The following ITSN1 variants were observed in gnomAD, a reference collection of about 807,000 sequenced individuals.
ITSN1 encodes intersectin-1.
ITSN1 carries 58 observed loss-of-function variants against 239.8 expected under a neutral mutation model. The ratio of observed to expected loss-of-function variants is 0.24; its 90% CI spans 0.20 to 0.30. The LOEUF (loss-of-function observed/expected upper bound fraction) is 0.30, where lower values mean the gene tolerates loss of function less well. ITSN1 is among the 10% of genes least tolerant of loss of function. The pLI is 1.00. For synonymous variants in ITSN1, 780 were observed against 770.8 expected (o/e 1.01, Z -0.20); for missense variants, 1,558 against 2,103.3 (o/e 0.74, Z 5.07).
At chr21:33,812,269 A>G (rs1186773334) in intron 21 of ITSN1, among the ~76,000 whole-genome samples, 5 of 152,198 alleles carry the variant, frequency 3.3e-5, no homozygotes, top group Admixed American at 2.0e-4. Context: ...GAAGACTAAT[A>G]CCATATTTTC....
At chr21:33,757,113 G>T (rs951883571) in intron 8 of ITSN1, 1 of 152,128 alleles carries the variant, frequency 6.6e-6, no homozygotes, top group African/African-American at 2.4e-5. Flanking sequence ...GTTTTACATG[G>T]TTTGTTTGAC....
chr21:33,789,591 T>A (rs2070946920), intron 16 of ITSN1, among the ~76,000 whole-genome samples: 1 of 152,228 alleles, frequency 6.6e-6, no homozygotes, highest in African/African-American at 2.4e-5. Context: ...GTTGCTATTT[T>A]TTTCTCTTCA....
At chr21:33,738,673 T>TA (rs1185995951) in intron 5 of ITSN1, among the ~76,000 whole-genome samples, 1 of 152,160 alleles carries the variant, frequency 6.6e-6, no homozygotes, top group Non-Finnish European at 1.5e-5. Flanking sequence ...CTCCTGGCAT[T>TA]ACAGGCATGA....
intron 11 of ITSN1, among the ~76,000 whole-genome samples, chr21:33,771,591 G>T (rs2069165481): frequency 6.6e-6 from 1 of 152,182 alleles, no homozygotes; most frequent in Non-Finnish European, 1.5e-5. Context: ...ATCTCCATAG[G>T]GATCAGGGCA....
At chr21:33,708,395 T>G (rs557440929) in intron 1 of ITSN1, among the ~76,000 whole-genome samples, 24 of 152,266 alleles carry the variant, frequency 1.6e-4, no homozygotes, top group South Asian at 1.2e-3. Context: ...TTTTCTTTTT[T>G]GTTTTTTTTT....
chr21:33,817,127 T>C, intron 22 of ITSN1: 1 of 1,184,334 alleles, frequency 8.4e-7, no homozygotes, highest in Non-Finnish European at 1.1e-6. Context: ...TTCATATATA[T>C]GATTGAAAGT....
intron 1 of ITSN1, among the ~76,000 whole-genome samples, chr21:33,708,900 G>C (rs1162704533): frequency 6.6e-6 from 1 of 152,092 alleles, no homozygotes; most frequent in Non-Finnish European, 1.5e-5. Context: ...GATCCACTTT[G>C]TTTGTTGAAA....
intron 1 of ITSN1, among the ~76,000 whole-genome samples, chr21:33,651,913 T>C: frequency 6.6e-6 from 1 of 152,360 alleles, no homozygotes; most frequent in Middle Eastern, 3.4e-3. Context: ...GTTGTTTTGA[T>C]CTTGGTAGAT....
intron 4 of ITSN1, among the ~76,000 whole-genome samples, chr21:33,723,806 G>C (rs1469145438): frequency 1.3e-5 from 2 of 152,128 alleles, no homozygotes; most frequent in African/African-American, 4.8e-5. Context: ...ACTTATTGTG[G>C]CTCCTGTCAC....
At chr21:33,761,796 A>G in intron 8 of ITSN1, 127 bp from the exon 9 acceptor site, 1 of 677,140 alleles carries the variant, frequency 1.5e-6, no homozygotes. Context: ...CGGTAGTAGC[A>G]AATGTTATTT....
chr21:33,887,661 A>C (rs992465192), intron 39 of ITSN1, among the ~76,000 whole-genome samples: 7 of 151,894 alleles, frequency 4.6e-5, no homozygotes, highest in African/African-American at 1.7e-4. Context: ...GCTGGAGCAC[A>C]GTGGTGCAAT....
chr21:33,675,888 G>A (rs189727146), intron 1 of ITSN1, among the ~76,000 whole-genome samples: 243 of 152,186 alleles, frequency 1.6e-3, no homozygotes, highest in Admixed American at 2.5e-3. Context: ...CATACTTAGG[G>A]ACATTAATTC....
intron 34 of ITSN1, 114 bp downstream of exon 34, chr21:33,875,635 A>C: frequency 1.1e-6 from 1 of 904,906 alleles, no homozygotes; most frequent in Non-Finnish European, 1.7e-6. Context: ...TAGCATCCTC[A>C]TTTCCATCCA....
chr21:33,695,792 G>A (rs1017413390), intron 1 of ITSN1, among the ~76,000 whole-genome samples: 1 of 152,130 alleles, frequency 6.6e-6, no homozygotes, highest in Non-Finnish European at 1.5e-5. Context: ...TACTTTAATG[G>A]TGCAGCCAGA....
At chr21:33,817,454 C>T in intron 22 of ITSN1, 1 of 1,304,420 alleles carries the variant, frequency 7.7e-7, no homozygotes, top group Non-Finnish European at 1.0e-6. Flanking sequence ...CTGATGCCCC[C>T]AGGCAGAATT....
chr21:33,683,785 T>G (rs1437438110), intron 1 of ITSN1, among the ~76,000 whole-genome samples: 1 of 152,230 alleles, frequency 6.6e-6, no homozygotes, highest in Middle Eastern at 3.2e-3. Context: ...TAAATGTAGA[T>G]TTAGGGAACT....
intron 1 of ITSN1, among the ~76,000 whole-genome samples, chr21:33,664,295 T>C (rs988871124): frequency 2.6e-5 from 4 of 152,072 alleles, no homozygotes; most frequent in Admixed American, 6.5e-5. Context: ...ACATTGTTGG[T>C]GTGAATGTAG....
chr21:33,784,997 T>C (rs1256642336), intron 16 of ITSN1, among the ~76,000 whole-genome samples: 1 of 152,168 alleles, frequency 6.6e-6, no homozygotes, highest in East Asian at 1.9e-4. Context: ...TAGTGTGAAT[T>C]TGTTGTATCC....
intron 33 of ITSN1, among the ~76,000 whole-genome samples, chr21:33,873,865 A>C (rs1983178714): frequency 6.7e-6 from 1 of 148,278 alleles, no homozygotes; most frequent in South Asian, 2.1e-4. Context: ...GAACGAGACA[A>C]AAAGAACATT....
Sources: allele counts gnomAD v4.1 joint callset (sites outside exome capture counted in the v4.1 genomes callset), GRCh38; gene constraint gnomAD v4.1.1; transcripts MANE v1.5; gene names NCBI Gene and HGNC (gene_info 2026-07-23, HGNC 2026-07-21).